KIAA1217: variants seen among roughly 807,000 people sequenced by gnomAD.
The protein encoded by KIAA1217 is KIAA1217.
Under a neutral mutation model 163.9 loss-of-function variants are expected in KIAA1217, and 88 were observed. The ratio of observed to expected loss-of-function variants is 0.54; its 90% CI spans 0.45 to 0.64. KIAA1217 has a LOEUF of 0.64. Ranked by LOEUF, KIAA1217 falls within the 30% of genes least tolerant of loss-of-function variation. The pLI is 0.00. For missense variants in KIAA1217, 2,372 were observed against 2,475.0 expected (o/e 0.96, Z 0.88); for synonymous variants, 903 against 923.1 (o/e 0.98, Z 0.39).
chr10:24,461,314 G>A (rs1379923613), intron 5 of KIAA1217, among the ~76,000 whole-genome samples: 1 of 152,016 alleles, frequency 6.6e-6, no homozygotes, highest in East Asian at 1.9e-4. Context: ...CAATTGTAGA[G>A]CATAACATTC....
Position 24,543,285 on chromosome 10 carries a change from G to A in KIAA1217, c.4015G>A (p.Glu1339Lys). 1 of 1,614,124 alleles carries A rather than the reference G, an allele frequency of 6.2e-7. No homozygotes were observed. The highest frequency in any genetic ancestry group is 1.1e-5 in the South Asian group (1 of 91,070). ...GCATGATTTTAAAACAGAAGATCAA[G>A]AGGTTATCACGACAGATTTTGGCCA... is the stretch of plus-strand genomic sequence containing the variant. ...SVHDFKTEDQEVITTDFGQVV... is the reference protein window; with the variant it reads ...SVHDFKTEDQKVITTDFGQVV... Residue 1339 changes from glutamate (E) to lysine (K), a missense_variant, in exon 19 of 21, where the codon GAG (glutamate) becomes AAG (lysine). By Grantham distance (56) the Glu-to-Lys change is moderately conservative (BLOSUM62 1). Around this residue, in one of 3 missense-constraint regions of KIAA1217, gnomAD observed 251 missense variants for 327.3 expected, o/e 0.77. Coordinates refer to ENST00000376454, the MANE Select transcript of KIAA1217 (RefSeq NM_019590.5).
At chr10:23,901,115 A>G (rs1302528187) in intron 1 of KIAA1217, among the ~76,000 whole-genome samples, 2 of 152,114 alleles carry the variant, frequency 1.3e-5, no homozygotes, top group African/African-American at 4.8e-5. Context: ...CATGTCAGAC[A>G]TAAAAACTTT....
chr10:24,330,519 C>T (rs937805938), intron 2 of KIAA1217, among the ~76,000 whole-genome samples: 1 of 152,168 alleles, frequency 6.6e-6, no homozygotes, highest in Non-Finnish European at 1.5e-5. Context: ...ACATAGGCTT[C>T]CAGAACATCT....
At chr10:23,907,067 A>G (rs962891674) in intron 1 of KIAA1217, among the ~76,000 whole-genome samples, 1 of 152,124 alleles carries the variant, frequency 6.6e-6, no homozygotes, top group Non-Finnish European at 1.5e-5. Flanking sequence ...GGATTTCTAT[A>G]TATAAATAAT....
At position 24,524,525 on chromosome 10, in the gene KIAA1217, G is replaced by A. The variant is rs10828663; in HGVS notation, c.2659G>A (p.Ala887Thr). ...TTTGTCCGGCATGATGGTTCGCCAC[G>A]CGCAGAGCTCCCCTGTGGTCATCCA... ...VPLSGMMVRH[A>T]QSSPVVIQPS... The change falls in exon 13 of 21, where the codon GCG (alanine) becomes ACG (threonine). Residue 887 changes from alanine to threonine, a missense_variant. Transcript: ENST00000376454. 410,253 of 1,613,792 alleles carry A rather than the reference G, an allele frequency of 0.25. 54,454 individuals are homozygous for A. The highest frequency in any genetic ancestry group is 0.29 in the Middle Eastern group (1,749 of 6,062).
At chr10:24,289,174 T>C (rs2078853445) in intron 2 of KIAA1217, among the ~76,000 whole-genome samples, 1 of 152,238 alleles carries the variant, frequency 6.6e-6, no homozygotes, top group South Asian at 2.1e-4. Flanking sequence ...TTGCCATTGC[T>C]GTTGCATTCA....
chr10:23,832,295 C>T (rs1303875049), intron 1 of KIAA1217, among the ~76,000 whole-genome samples: 1 of 152,128 alleles, frequency 6.6e-6, no homozygotes, highest in African/African-American at 2.4e-5. Flanking sequence ...ATGCAGATAC[C>T]TCAGATGAAG....
At chr10:24,268,965 A>C (rs1451873158) in intron 2 of KIAA1217, among the ~76,000 whole-genome samples, 3 of 145,714 alleles carry the variant, frequency 2.1e-5, no homozygotes, top group Non-Finnish European at 4.5e-5. Flanking sequence ...AAGGACAAAA[A>C]ACCAAACACC....
At chr10:24,070,654 T>C (rs1333110020) in intron 2 of KIAA1217, among the ~76,000 whole-genome samples, 1 of 152,198 alleles carries the variant, frequency 6.6e-6, no homozygotes, top group African/African-American at 2.4e-5. Context: ...CAGGGTCAAA[T>C]CTGATAGTTG....
rs573969815 is a variant in KIAA1217, at chr10:24,351,510, T to A, written c.355-29359T>A. ...CTGAATCCTGCTACCCACTGTGCAA[T>A]GGAGGGGTCAGAGTCTTGTGGAAGG... On this transcript the variant is annotated intron_variant, in intron 2 of 20. Transcript: ENST00000376454. Among the ~76,000 whole-genome samples the A allele has an allele frequency of 4.6e-5, 7 of 152,238 alleles. No individual in the cohort carries two copies. In the East Asian group the frequency reaches 1.4e-3, roughly 29 times the overall value.
intron 6 of KIAA1217, among the ~76,000 whole-genome samples, chr10:24,493,764 A>G (rs2066434748): frequency 6.6e-6 from 1 of 152,098 alleles, no homozygotes; most frequent in Non-Finnish European, 1.5e-5. Flanking sequence ...CTTCAAATAA[A>G]TGGGTTGTTT....
chr10:23,827,507 C>T (rs143690413), intron 1 of KIAA1217, among the ~76,000 whole-genome samples: 7 of 152,292 alleles, frequency 4.6e-5, no homozygotes, highest in African/African-American at 7.2e-5. Flanking sequence ...CTTAATGCTT[C>T]CTTCTTTTTA....
At chr10:24,189,150 C>A (rs762018071) in intron 2 of KIAA1217, among the ~76,000 whole-genome samples, 4 of 151,548 alleles carry the variant, frequency 2.6e-5, no homozygotes, top group Non-Finnish European at 5.9e-5. Context: ...ATATTCCTCA[C>A]CTGGAATCTG....
At chr10:24,112,573 T>C (rs2062889031) in intron 2 of KIAA1217, among the ~76,000 whole-genome samples, 1 of 151,986 alleles carries the variant, frequency 6.6e-6, no homozygotes, top group South Asian at 2.1e-4. Flanking sequence ...TGACTAGTGC[T>C]CTTTTTTTTA....
At chr10:23,951,384 G>A (rs1844328699) in intron 1 of KIAA1217, among the ~76,000 whole-genome samples, 1 of 152,122 alleles carries the variant, frequency 6.6e-6, no homozygotes, top group Admixed American at 6.6e-5. Flanking sequence ...TCCAGCTCAG[G>A]GGCTCACGCC....
chr10:24,007,014 T>C (rs1847029466), intron 1 of KIAA1217, among the ~76,000 whole-genome samples: 1 of 152,152 alleles, frequency 6.6e-6, no homozygotes, highest in East Asian at 1.9e-4. Flanking sequence ...TTGGGGAAAA[T>C]ACTGGAAAAC....
chr10:24,407,474 A>G (rs1054970932), intron 3 of KIAA1217, among the ~76,000 whole-genome samples: 23 of 151,910 alleles, frequency 1.5e-4, no homozygotes, highest in African/African-American at 5.1e-4. Flanking sequence ...TTTCATTTCT[A>G]TTTTTATTTT....
At chr10:24,178,780 GT>G (rs370294369) in intron 2 of KIAA1217, among the ~76,000 whole-genome samples, 79 of 151,976 alleles carry the variant, frequency 5.2e-4, no homozygotes, top group African/African-American at 1.8e-3. Context: ...TTTAGCCTGA[GT>G]TTTTTTTGTT....
intron 9 of KIAA1217, among the ~76,000 whole-genome samples, chr10:24,503,492 C>T (rs538258762): frequency 7.2e-5 from 11 of 152,226 alleles, no homozygotes; most frequent in African/African-American, 2.4e-4. Flanking sequence ...CTTCAGTGTC[C>T]GGGCAGTAAC....
Sources: allele counts gnomAD v4.1 joint callset (sites outside exome capture counted in the v4.1 genomes callset), GRCh38; gene constraint gnomAD v4.1.1; regional missense constraint gnomAD v4.1.1; transcripts MANE v1.5; gene names NCBI Gene and HGNC (gene_info 2026-07-23, HGNC 2026-07-21).